The following LSS variants were observed in gnomAD, a reference collection of about 807,000 sequenced individuals.
LSS encodes the protein lanosterol synthase.
LSS carries 90 observed loss-of-function variants against 110.3 expected under a neutral mutation model. That is an observed-to-expected ratio of 0.82 (90% CI 0.69 to 0.97). The LOEUF (loss-of-function observed/expected upper bound fraction) is 0.97. Ranked by LOEUF, LSS falls within the 50% of genes least tolerant of loss-of-function variation. The pLI, the probability that LSS is intolerant of heterozygous loss-of-function variation, is 0.00. For missense variants in LSS, 927 were observed against 990.0 expected, an observed-to-expected ratio of 0.94 and a Z score of 0.85; for synonymous variants, 433 against 400.0, an observed-to-expected ratio of 1.08 and a Z score of -0.98.
At chr21:46,211,280 G>A (rs984988805) in intron 11 of LSS, among the ~76,000 whole-genome samples, 1 of 152,138 alleles carries the variant, frequency 6.6e-6, no homozygotes, top group Non-Finnish European at 1.5e-5. Flanking sequence ...GCTCCTGCCA[G>A]CACACCCAGC....
chr21:46,219,871 C>T (rs1035659984), intron 5 of LSS, among the ~76,000 whole-genome samples: 1 of 152,204 alleles, frequency 6.6e-6, no homozygotes. Flanking sequence ...AGACAGCTAC[C>T]TGGGAAGGTC....
chr21:46,224,744 C>T (rs1343836826), intron 3 of LSS: 1 of 152,240 alleles, frequency 6.6e-6, no homozygotes, highest in Non-Finnish European at 1.5e-5. Flanking sequence ...CCGCACAGGC[C>T]ACAGTCAATG....
intron 13 of LSS, 142 bp from the exon 14 acceptor site, chr21:46,208,443 A>T (rs1056873755): frequency 5.2e-6 from 4 of 772,790 alleles, no homozygotes; most frequent in Non-Finnish European, 8.9e-6. Flanking sequence ...CACAGCCACC[A>T]CTGGTGCTGC....
intron 10 of LSS, 83 bp downstream of exon 10, chr21:46,213,655 G>A: frequency 8.0e-7 from 1 of 1,246,282 alleles, no homozygotes; most frequent in East Asian, 2.5e-5. Context: ...ATGGCACCGT[G>A]GGGGCCCCCT....
At chr21:46,195,968 G>A (rs772041775) in intron 18 of LSS, among the ~76,000 whole-genome samples, 22 of 152,320 alleles carry the variant, frequency 1.4e-4, no homozygotes, top group Non-Finnish European at 2.2e-4. Flanking sequence ...AGGCTACAGC[G>A]CGCTCCCAGC....
chr21:46,208,807 C>T (rs1313953790), intron 13 of LSS, among the ~76,000 whole-genome samples: 2 of 152,204 alleles, frequency 1.3e-5, no homozygotes, highest in Non-Finnish European at 2.9e-5. Context: ...ACCATTGGGC[C>T]AGGCACAGCA....
rs556133938 is a variant in LSS at position 46,192,940 on chromosome 21, C to T, written c.1989-981G>A. The T allele has an allele frequency of 6.3e-4, 240 of 378,800 alleles. 4 individuals carry two copies. The highest frequency in any genetic ancestry group is 1.1e-3 in the Non-Finnish European group (220 of 193,064). 23.5% of individuals were successfully genotyped at this position (378,800 alleles called of 1,614,324 possible). On this transcript the variant is annotated intron_variant, in intron 20 of 21. Transcript: ENST00000397728. ...CTGTATGTGCATCTGTCTCCATGTA[C>T]GTATGTCTGTGTATGGCACAGATGG... is the stretch of plus-strand genomic sequence containing the variant.
At chr21:46,212,066 G>T (rs2080141685) in intron 11 of LSS, among the ~76,000 whole-genome samples, 1 of 151,362 alleles carries the variant, frequency 6.6e-6, no homozygotes, top group Non-Finnish European at 1.5e-5. Context: ...GGAGGGGCAG[G>T]GAGGGGACAG....
At chr21:46,221,459 T>A (rs13046451) in intron 5 of LSS, among the ~76,000 whole-genome samples, 72,270 of 151,852 alleles carry the variant, frequency 0.48, 18,025 homozygotes, top group East Asian at 0.68. Flanking sequence ...GGCTCAAGTG[T>A]TCCTCCTGCC....
In LSS at chr21:46,221,900, A is replaced by G. The variant is rs1219837276; in HGVS notation, c.504T>C (p.Pro168=). Residue 168 remains proline (P), a synonymous_variant, in exon 5 of 22, where the codon CCT becomes CCC. Coordinates refer to ENST00000397728, the MANE Select transcript of LSS (RefSeq NM_002340.6). ...YVSLRILGVG[P]DDPDLVRARN... The stretch of plus-strand genomic sequence containing the variant: ...GGGCTCGTACCAGGTCAGGATCGTC[A>G]GGCCCAACACCCAGAATTCTGAGAG... The G allele has an allele frequency of 1.2e-6, 2 of 1,614,040 alleles. No homozygotes were observed. The highest frequency in any genetic ancestry group is 1.7e-6 in the Non-Finnish European group (2 of 1,180,032).
intron 6 of LSS, among the ~76,000 whole-genome samples, chr21:46,217,243 C>CAAA (rs752647829): frequency 7.1e-5 from 3 of 42,394 alleles, no homozygotes; most frequent in Admixed American, 2.7e-4. Flanking sequence ...GACTCTGTCT[C>CAAA]AAAAAAAAAA....
rs35148484 is a variant in LSS at position 46,198,829 on chromosome 21, CAAAAAAA to C, written c.1671-2569_1671-2563del. ...ACCAAAACAACTGGACATCCACATG[CAAAAAAA>C]AAAAAAAAAAAAAAAATCTAGACAC... On this transcript the variant is annotated intron_variant, in intron 17 of 21. Coordinates refer to ENST00000397728, the MANE Select transcript of LSS (RefSeq NM_002340.6). 9.0e-4 allele frequency among the ~76,000 whole-genome samples: 66 copies of C among 73,456 alleles called. No homozygotes were observed. In the Middle Eastern group the frequency reaches 0.029, roughly 33 times the overall value. 48.2% of individuals were successfully genotyped at this position (73,456 alleles called of 152,430 possible). A position where few individuals can be genotyped will look rare whatever the true frequency, so the allele number is the denominator to read the frequency against.
chr21:46,223,237 G>A (rs1025445146), intron 3 of LSS, among the ~76,000 whole-genome samples: 4 of 152,062 alleles, frequency 2.6e-5, no homozygotes, highest in South Asian at 2.1e-4. Context: ...AGCATATGCC[G>A]CTTTGCAAAT....
At chr21:46,211,388 C>T (rs903266816) in intron 11 of LSS, among the ~76,000 whole-genome samples, 5 of 152,210 alleles carry the variant, frequency 3.3e-5, no homozygotes, top group Non-Finnish European at 7.3e-5. Context: ...CTTGGCCTCC[C>T]AAAGTGTAGG....
chr21:46,211,441 T>C (rs1466204228), intron 11 of LSS, among the ~76,000 whole-genome samples: 1 of 152,176 alleles, frequency 6.6e-6, no homozygotes, highest in Non-Finnish European at 1.5e-5. Context: ...TGATCCCCAT[T>C]TCTGAGTACA....
At position 46,215,298 on chromosome 21, in the gene LSS, G is replaced by A. The variant is rs201713860; in HGVS notation, c.893C>T (p.Ala298Val). The change falls in exon 9 of 22, where the codon GCG (alanine) becomes GTG (valine). Residue 298 changes from alanine to valine, a missense_variant and splice_region_variant. Physicochemically the swap from Ala to Val is moderately conservative, Grantham distance 64. Coordinates refer to ENST00000397728, the MANE Select transcript of LSS (RefSeq NM_002340.6). ...PHSWLLRVVYALLNLYEHHHS... is the reference protein window; with the variant it reads ...PHSWLLRVVYVLLNLYEHHHS... ...GTGGTGCTCATACAGGTTGAGGAGC[G>A]CTACAGGGGACAGGGGTCAGTGGAT... is the stretch of plus-strand genomic sequence containing the variant. The A allele has an allele frequency of 1.5e-3, 2,349 of 1,598,038 alleles. 13 individuals carry two copies. Among genetic ancestry groups the A allele is most frequent in the East Asian group, 0.013 (585 of 44,762 alleles).
At chr21:46,222,052 T>A in intron 4 of LSS, 77 bp from the exon 5 acceptor site, 1 of 1,549,788 alleles carries the variant, frequency 6.5e-7, no homozygotes, top group Non-Finnish European at 8.8e-7. Context: ...TTCTGTGGAG[T>A]TTCCTCAGAA....
chr21:46,192,542 G>A (rs1438992423), intron 20 of LSS: 1 of 411,648 alleles, frequency 2.4e-6, no homozygotes, highest in Non-Finnish European at 4.9e-6. Context: ...AGGTGCCTGT[G>A]CATGTGTACA....
chr21:46,228,754 C>T lies in LSS; in HGVS notation c.-9G>A, dbSNP rs752898316. ...CACGTGCCCTCCGTCATTGCTGCTG[C>T]AGTGCTCTACGCCGCCCACTGCCAG... On this transcript the variant is annotated 5_prime_UTR_variant, in exon 1 of 22. Transcript: ENST00000397728. 6 of 1,593,048 alleles carry T rather than the reference C, an allele frequency of 3.8e-6. No individual in the cohort carries two copies. In the African/African-American group the frequency reaches 6.8e-5, roughly 18 times the overall value.
Sources: gnomAD v4.1 joint callset for allele counts (sites outside exome capture counted in the v4.1 genomes callset) on GRCh38, gnomAD v4.1.1 for gene constraint, MANE v1.5 for transcripts, NCBI Gene and HGNC (gene_info 2026-07-23, HGNC 2026-07-21) for gene names.